The following MNS1 variants were observed in gnomAD, a reference collection of about 807,000 sequenced individuals.
MNS1 encodes meiosis-specific nuclear structural protein 1.
In MNS1, 63 loss-of-function variants were observed where a neutral mutation model predicts 72.0. The observed-to-expected ratio is 0.87, with a 90% CI of 0.71 to 1.08. The LOEUF (loss-of-function observed/expected upper bound fraction) is 1.08, where lower values mean the gene tolerates loss of function less well. Ranked by LOEUF, MNS1 falls within the 50% of genes least tolerant of loss-of-function variation. The pLI is 0.00. For synonymous variants in MNS1, 188 were observed against 172.1 expected, an observed-to-expected ratio of 1.09 and a Z score of -0.72; for missense variants, 604 against 562.4, an observed-to-expected ratio of 1.07 and a Z score of -0.75.
rs553307036 is a variant in MNS1, at chr15:56,465,022, C to T, written c.-50G>A. 1.3e-6 allele frequency: 2 copies of T among 1,595,404 alleles called. No homozygotes were observed. Among genetic ancestry groups the T allele is most frequent in the Non-Finnish European group, 1.7e-6 (2 of 1,172,466 alleles). On this transcript the variant is annotated 5_prime_UTR_variant, in exon 1 of 10. Coordinates refer to ENST00000260453, the MANE Select transcript of MNS1 (RefSeq NM_018365.4). ...CTCGTGGGACCGCGGCCACCACCTC[C>T]CGCCGCAAACGCAGCAGCCAGCAGC...
At chr15:56,460,011 T>TATATATATATATATATATATATAA (rs2051009717) in intron 2 of MNS1, among the ~76,000 whole-genome samples, 1 of 27,242 alleles carries the variant, frequency 3.7e-5, no homozygotes, top group Non-Finnish European at 5.9e-5. Flanking sequence ...AAAAAAAAAA[T>TATATATATATATATATATATATAA]ACATATATAT....
Position 56,429,108 on chromosome 15 carries a change from T to C in MNS1, c.1481A>G (p.Glu494Gly). 1.3e-6 allele frequency: 2 copies of C among 1,584,952 alleles called. No homozygotes were observed. Among genetic ancestry groups the C allele is most frequent in the Non-Finnish European group, 1.7e-6 (2 of 1,163,124 alleles). ...TACCCAATTTTGATGATATCATTTC[T>C]CTTCACAAATTTCACTCCTTTGTTG... ...VYQQRSEICE[E>G]K Residue 494 changes from glutamate to glycine, a missense_variant, in exon 10 of 10, where the codon GAG becomes GGG. Transcript: ENST00000260453.
chr15:56,449,840 ATTGT>A (rs1276442288), intron 3 of MNS1, among the ~76,000 whole-genome samples: 1 of 152,174 alleles, frequency 6.6e-6, no homozygotes, highest in Non-Finnish European at 1.5e-5. Context: ...TTTTCATAAA[ATTGT>A]TTGCAATATC....
At chr15:56,446,445 A>G (rs1191528793) in intron 4 of MNS1, among the ~76,000 whole-genome samples, 1 of 152,038 alleles carries the variant, frequency 6.6e-6, no homozygotes, top group Non-Finnish European at 1.5e-5. Flanking sequence ...TGGCTTTTAT[A>G]AAACTGGAAA....
At chr15:56,433,810 A>G (rs1271302431) in intron 8 of MNS1, among the ~76,000 whole-genome samples, 1 of 152,150 alleles carries the variant, frequency 6.6e-6, no homozygotes, top group African/African-American at 2.4e-5. Flanking sequence ...CAAAACATCC[A>G]TAGCTCTATA....
intron 3 of MNS1, among the ~76,000 whole-genome samples, chr15:56,449,087 C>G (rs1425296468): frequency 6.6e-6 from 1 of 152,150 alleles, no homozygotes; most frequent in Non-Finnish European, 1.5e-5. Context: ...TCTACACATA[C>G]AATCATATCA....
intron 3 of MNS1, among the ~76,000 whole-genome samples, chr15:56,452,335 C>T (rs950892014): frequency 9.2e-5 from 14 of 152,180 alleles, no homozygotes; most frequent in Middle Eastern, 3.4e-3. Flanking sequence ...CTTAATTCCC[C>T]GAGCAATGAG....
At chr15:56,461,227 A>AACACCGAG (rs2051018307) in intron 2 of MNS1, among the ~76,000 whole-genome samples, 1 of 152,144 alleles carries the variant, frequency 6.6e-6, no homozygotes, top group Non-Finnish European at 1.5e-5. Flanking sequence ...ACCTCACAGA[A>AACACCGAG]ACACCGAGAA....
intron 2 of MNS1, among the ~76,000 whole-genome samples, chr15:56,461,279 A>G (rs574577028): frequency 2.4e-3 from 363 of 152,262 alleles, no homozygotes; most frequent in Non-Finnish European, 3.1e-3. Flanking sequence ...GGCCCAGTCA[A>G]GTTGACACAT....
At chr15:56,443,881 T>A in intron 5 of MNS1, 27 bp from the exon 6 acceptor site, 1 of 1,461,326 alleles carries the variant, frequency 6.8e-7, no homozygotes, top group Non-Finnish European at 9.3e-7. Flanking sequence ...AGTACAGATT[T>A]ATAGTAAACA....
Position 56,451,120 on chromosome 15 carries a change from T to C in MNS1, c.354-4177A>G, listed in dbSNP as rs187210409. On this transcript the variant is annotated intron_variant, in intron 3 of 9. Transcript: ENST00000260453. ...AAGAGTTCTTTATATATTTCAGATA[T>C]TAAATCCTTATCAGAGATACAATTT... Among the ~76,000 whole-genome samples, 204 of 152,356 alleles carry C rather than the reference T, an allele frequency of 1.3e-3. 1 individual carries two copies. The highest frequency in any genetic ancestry group is 2.5e-3 in the Non-Finnish European group (168 of 68,026).
chr15:56,442,660 T>C (rs2050838318), intron 7 of MNS1, among the ~76,000 whole-genome samples: 9 of 152,172 alleles, frequency 5.9e-5, no homozygotes, highest in Admixed American at 5.9e-4. Flanking sequence ...ATACTACATG[T>C]CTTCACATAC....
intron 3 of MNS1, among the ~76,000 whole-genome samples, chr15:56,450,592 T>C (rs929784735): frequency 1.4e-4 from 22 of 152,232 alleles, no homozygotes; most frequent in African/African-American, 5.3e-4. Flanking sequence ...GCTTCATTTT[T>C]TTTTTATAAC....
chr15:56,443,311 C>T lies in MNS1; in HGVS notation c.1011+119G>A, dbSNP rs547048228. 16 of 689,750 alleles carry T rather than the reference C, an allele frequency of 2.3e-5. No homozygotes were observed. In the East Asian group the frequency reaches 4.5e-4, roughly 20 times the overall value. The allele number at this position is 689,750 out of a possible 1,614,324, so 42.7% of individuals were successfully genotyped here. On this transcript the variant is annotated intron_variant, in intron 7 of 9. Coordinates refer to ENST00000260453, the MANE Select transcript of MNS1 (RefSeq NM_018365.4). The stretch of plus-strand genomic sequence containing the variant: ...TTTCTGTCTTTTAACTGTAGTATAC[C>T]ATTTACATATAATGTAATTACCAGT...
chr15:56,449,251 G>A (rs1183333071), intron 3 of MNS1, among the ~76,000 whole-genome samples: 4 of 151,000 alleles, frequency 2.6e-5, no homozygotes, highest in Non-Finnish European at 4.4e-5. Flanking sequence ...TGTCAGAGGG[G>A]AAGTGTTTAA....
intron 4 of MNS1, 79 bp from the exon 5 acceptor site, chr15:56,444,752 G>T: frequency 8.4e-7 from 1 of 1,186,604 alleles, no homozygotes; most frequent in Non-Finnish European, 1.2e-6. Context: ...CAATGTTATT[G>T]AATATTATAA....
At chr15:56,447,022 ATTT>A in intron 3 of MNS1, 79 bp from the exon 4 acceptor site, 1 of 934,422 alleles carries the variant, frequency 1.1e-6, no homozygotes, top group South Asian at 1.5e-5. Context: ...GAGTAACTGT[ATTT>A]TTAATTTACT....
At chr15:56,430,107 A>G (rs1175955386) in intron 9 of MNS1, 23 of 152,300 alleles carry the variant, frequency 1.5e-4, no homozygotes, top group African/African-American at 5.5e-4. Context: ...ATAAATATGC[A>G]CTTGATTCTA....
rs932521801 is a variant in MNS1 at position 56,465,026 on chromosome 15, C to T, written c.-54G>A. 21 of 1,594,160 alleles carry T rather than the reference C, an allele frequency of 1.3e-5. No individual in the cohort carries two copies. Among genetic ancestry groups the T allele is most frequent in the Non-Finnish European group, 1.7e-5 (20 of 1,171,998 alleles). On this transcript the variant is annotated 5_prime_UTR_variant, in exon 1 of 10. Transcript: ENST00000260453. ...TGGGACCGCGGCCACCACCTCCCGC[C>T]GCAAACGCAGCAGCCAGCAGCCCCA...
Sources: gnomAD v4.1 joint callset for allele counts (sites outside exome capture counted in the v4.1 genomes callset) on GRCh38, gnomAD v4.1.1 for gene constraint, MANE v1.5 for transcripts, NCBI Gene and HGNC (gene_info 2026-07-23, HGNC 2026-07-21) for gene names.